EEIG2: variants seen among roughly 807,000 people sequenced by gnomAD.
EEIG2 encodes family with sequence similarity 102 member B.
At chr1:108,583,291 C>G in the EEIG2 span, among the ~76,000 whole-genome samples, 1 of 151,944 alleles carries the variant, frequency 6.6e-6, no homozygotes, top group African/African-American at 2.4e-5. Flanking sequence ...ACTACAGGTG[C>G]ACACCACCAC....
the EEIG2 span, chr1:108,627,976 G>T: frequency 1.4e-5 from 8 of 553,476 alleles, no homozygotes; most frequent in Admixed American, 1.6e-4. Context: ...GCGAACTAAG[G>T]TATTTAAATA....
the EEIG2 span, among the ~76,000 whole-genome samples, chr1:108,596,792 G>T: frequency 6.6e-6 from 1 of 151,618 alleles, no homozygotes; most frequent in Non-Finnish European, 1.5e-5. Flanking sequence ...AGACTGGAGT[G>T]CAGTGGCACA....
At chr1:108,599,859 G>A in the EEIG2 span, among the ~76,000 whole-genome samples, 2 of 152,214 alleles carry the variant, frequency 1.3e-5, no homozygotes, top group Non-Finnish European at 2.9e-5. Context: ...TGGCGTGGTG[G>A]CAGGTGCCTG....
At chr1:108,592,449 T>C in the EEIG2 span, among the ~76,000 whole-genome samples, 1 of 152,246 alleles carries the variant, frequency 6.6e-6, no homozygotes, top group Admixed American at 6.5e-5. Context: ...ATGGCTCTAG[T>C]TCATCCCAAC....
chr1:108,627,471 G>A, the EEIG2 span: 2 of 152,192 alleles, frequency 1.3e-5, no homozygotes, highest in Non-Finnish European at 2.9e-5. Flanking sequence ...GCATTCTCTG[G>A]AAGAAGCCTG....
the EEIG2 span, chr1:108,624,981 C>A: frequency 2.3e-6 from 1 of 436,558 alleles, no homozygotes. Context: ...CATCTACTCC[C>A]CACAGGTACA....
the EEIG2 span, among the ~76,000 whole-genome samples, chr1:108,591,063 A>G: frequency 2.6e-5 from 4 of 152,192 alleles, no homozygotes; most frequent in African/African-American, 9.7e-5. Flanking sequence ...ATCAACACAA[A>G]TCATATTCTG....
the EEIG2 span, among the ~76,000 whole-genome samples, chr1:108,579,943 T>C: frequency 6.6e-6 from 1 of 152,080 alleles, no homozygotes; most frequent in African/African-American, 2.4e-5. Flanking sequence ...TTTTAATTTT[T>C]CTGTAGAGAC....
chr1:108,612,198 C>G, the EEIG2 span: 1 of 1,612,476 alleles, frequency 6.2e-7, no homozygotes, highest in Admixed American at 1.7e-5. Flanking sequence ...CAGATCTAAA[C>G]CTGGCAGAGT....
the EEIG2 span, among the ~76,000 whole-genome samples, chr1:108,604,865 C>CAA: frequency 1.7e-3 from 152 of 88,164 alleles, no homozygotes; most frequent in Middle Eastern, 5.7e-3. Context: ...CCCACCTCTC[C>CAA]AAAAAAAAAA....
At chr1:108,563,751 T>C in the EEIG2 span, among the ~76,000 whole-genome samples, 2 of 152,200 alleles carry the variant, frequency 1.3e-5, no homozygotes, top group African/African-American at 4.8e-5. Context: ...ACAACAAATA[T>C]AAGGATCCAC....
chr1:108,562,335 A>G, the EEIG2 span, among the ~76,000 whole-genome samples: 2 of 152,304 alleles, frequency 1.3e-5, no homozygotes, highest in South Asian at 4.1e-4. Context: ...CAAGACTTAG[A>G]AATGAAAAAG....
chr1:108,629,396 G>C, the EEIG2 span, among the ~76,000 whole-genome samples: 1 of 152,130 alleles, frequency 6.6e-6, no homozygotes, highest in Non-Finnish European at 1.5e-5. Context: ...AAGAGTTTTA[G>C]AAACATTGAA....
the EEIG2 span, among the ~76,000 whole-genome samples, chr1:108,623,993 A>G: frequency 6.6e-6 from 1 of 152,160 alleles, no homozygotes; most frequent in South Asian, 2.1e-4. Flanking sequence ...AAGAAAAAAA[A>G]AACTGTTAGA....
the EEIG2 span, among the ~76,000 whole-genome samples, chr1:108,591,560 ACT>A: frequency 1.3e-5 from 2 of 152,164 alleles, no homozygotes; most frequent in Non-Finnish European, 2.9e-5. Flanking sequence ...ATCATAGGAG[ACT>A]CTGCCAGAAA....
At chr1:108,569,059 A>C in the EEIG2 span, among the ~76,000 whole-genome samples, 1 of 152,224 alleles carries the variant, frequency 6.6e-6, no homozygotes, top group Non-Finnish European at 1.5e-5. Flanking sequence ...GTCACATATC[A>C]ACTAATGAAA....
chr1:108,568,293 T>C, the EEIG2 span, among the ~76,000 whole-genome samples: 1 of 152,144 alleles, frequency 6.6e-6, no homozygotes, highest in South Asian at 2.1e-4. Context: ...CTAAATTAAA[T>C]ATATGGGGAA....
At chr1:108,638,846 A>T in the EEIG2 span, 1 of 152,238 alleles carries the variant, frequency 6.6e-6, no homozygotes, top group Admixed American at 6.5e-5. Flanking sequence ...GTAAGATAAT[A>T]TATACACAGT....
chr1:108,601,315 T>A, the EEIG2 span, among the ~76,000 whole-genome samples: 21 of 152,050 alleles, frequency 1.4e-4, no homozygotes, highest in South Asian at 4.2e-3. Flanking sequence ...TGTGTTTTAC[T>A]TACCAAAATA....
Sources: gnomAD v4.1 joint callset for allele counts (sites outside exome capture counted in the v4.1 genomes callset) on GRCh38, gnomAD v4.1.1 for gene constraint, MANE v1.5 for transcripts, NCBI Gene and HGNC (gene_info 2026-07-23, HGNC 2026-07-21) for gene names.